HDGFL3: variants seen among roughly 807,000 people sequenced by gnomAD.
The protein encoded by HDGFL3 is HDGF like 3.
A neutral mutation model predicts 27.6 loss-of-function variants in HDGFL3; 6 were observed. That is an observed-to-expected ratio of 0.22 (90% confidence interval 0.12 to 0.43). The LOEUF is 0.43. Ranked by LOEUF, HDGFL3 falls within the 20% of genes least tolerant of loss-of-function variation. HDGFL3 has a pLI of 1.00. For synonymous variants in HDGFL3, 88 were observed against 88.9 expected, an observed-to-expected ratio of 0.99 and a Z score of 0.05; for missense variants, 207 against 250.1, an observed-to-expected ratio of 0.83 and a Z score of 1.16.
chr15:83,112,981 T>C (rs2034325715), exon 4 of HDGFL3: 1 of 1,175,984 alleles, frequency 8.5e-7, no homozygotes, highest in African/African-American at 1.5e-5. Flanking sequence ...TCCTCCTTGG[T>C]TGTGAATACT....
intron 1 of HDGFL3, among the ~76,000 whole-genome samples, chr15:83,190,282 T>G (rs1005504170): frequency 2.0e-5 from 3 of 152,160 alleles, no homozygotes; most frequent in African/African-American, 7.2e-5. Flanking sequence ...GTAAAATTCT[T>G]GTACATATCT....
intron 1 of HDGFL3, among the ~76,000 whole-genome samples, chr15:83,180,025 G>C (rs1393050832): frequency 6.6e-6 from 1 of 152,028 alleles, no homozygotes; most frequent in African/African-American, 2.4e-5. Flanking sequence ...GGCAGAGGGA[G>C]GTGGTGGGTG....
At position 83,157,578 on chromosome 15, in the gene HDGFL3, G is replaced by T; in HGVS notation, c.301-5C>A. The T allele has an allele frequency of 1.9e-6, 3 of 1,606,474 alleles. No homozygotes were observed. The highest frequency in any genetic ancestry group is 1.7e-6 in the Non-Finnish European group (2 of 1,177,018). ...AGAGCTCTGTTGCTGAATTGCCTAAGAAATAATAAAATATTAGCTGATTAC... is the reference window on the plus strand; with the variant it reads ...AGAGCTCTGTTGCTGAATTGCCTAATAAATAATAAAATATTAGCTGATTAC... On this transcript the variant is annotated splice_polypyrimidine_tract_variant and splice_region_variant and intron_variant, in intron 3 of 5. Transcript: ENST00000299633.
chr15:83,134,875 C>T lies in HDGFL3; in HGVS notation c.*4395G>A, dbSNP rs1318488300. ...GGAAAAACAGTATGGGAGCCATGCT[C>T]CTGCTCAGAGTTCCTAGAATGTCCA... On this transcript the variant is annotated 3_prime_UTR_variant, in exon 6 of 6. Transcript: ENST00000299633. 1 of 152,236 alleles carries T rather than the reference C, an allele frequency of 6.6e-6. No individual in the cohort carries two copies. The highest frequency in any genetic ancestry group is 2.4e-5 in the African/African-American group (1 of 41,446). The allele number at this position is 152,236 out of a possible 1,614,324, so 9.4% of individuals were successfully genotyped here.
chr15:83,177,728 T>C (rs1032688272), intron 1 of HDGFL3, among the ~76,000 whole-genome samples: 3 of 152,208 alleles, frequency 2.0e-5, no homozygotes, highest in African/African-American at 7.2e-5. Context: ...ATATGTTATG[T>C]AGTGGCTATT....
chr15:83,187,696 C>T (rs921813648), intron 1 of HDGFL3, among the ~76,000 whole-genome samples: 5 of 151,834 alleles, frequency 3.3e-5, no homozygotes, highest in Non-Finnish European at 7.4e-5. Flanking sequence ...CGAGACCAGC[C>T]TGACCAACAT....
intron 5 of HDGFL3, among the ~76,000 whole-genome samples, chr15:83,145,005 CCTTT>C (rs959030842): frequency 6.6e-5 from 10 of 151,862 alleles, no homozygotes; most frequent in Non-Finnish European, 1.3e-4. Context: ...GGCGCCTGCT[CCTTT>C]CTGTCTCCTT....
downstream of HDGFL3, among the ~76,000 whole-genome samples, chr15:83,125,307 A>G (rs2035639648): frequency 1.3e-5 from 2 of 152,214 alleles, no homozygotes; most frequent in Admixed American, 6.5e-5. Context: ...AAATACATTA[A>G]GGGCACATGG....
intron 2 of HDGFL3, chr15:83,163,689 T>C (rs922583127): frequency 1.4e-4 from 35 of 243,190 alleles, no homozygotes; most frequent in African/African-American, 7.7e-4. Context: ...ATAAGAGCAA[T>C]AGAAGAAATT....
chr15:83,177,755 A>T (rs1176132818), intron 1 of HDGFL3, among the ~76,000 whole-genome samples: 1 of 152,192 alleles, frequency 6.6e-6, no homozygotes, highest in East Asian at 1.9e-4. Context: ...CTTTAGGAAG[A>T]TATAGAAAGG....
At chr15:83,127,355 C>T (rs573527715), downstream of HDGFL3, 9 of 1,610,556 alleles carry the variant, frequency 5.6e-6, no homozygotes, top group East Asian at 4.5e-5. Context: ...CTGTTCAATA[C>T]AGATGCTGGC....
At chr15:83,122,974 G>A (rs915958124), downstream of HDGFL3, 5 of 1,406,420 alleles carry the variant, frequency 3.6e-6, no homozygotes, top group Admixed American at 2.1e-5. Flanking sequence ...CTGTGGACTG[G>A]AGCATTTGGG....
chr15:83,187,895 A>G (rs1029520499), intron 1 of HDGFL3, among the ~76,000 whole-genome samples: 1 of 151,790 alleles, frequency 6.6e-6, no homozygotes, highest in Non-Finnish European at 1.5e-5. Context: ...CTCAAAAAAA[A>G]AAAAAAAAAA....
At chr15:83,164,784 C>A (rs1159104956) in intron 1 of HDGFL3, among the ~76,000 whole-genome samples, 2 of 152,172 alleles carry the variant, frequency 1.3e-5, no homozygotes, top group Non-Finnish European at 2.9e-5. Context: ...AGTCAAAATT[C>A]CTTAGAATAC....
At chr15:83,125,258 A>AT (rs2035633753), downstream of HDGFL3, among the ~76,000 whole-genome samples, 1 of 152,146 alleles carries the variant, frequency 6.6e-6, no homozygotes, top group Non-Finnish European at 1.5e-5. Context: ...TGTTGAGTAA[A>AT]TTCATCTCAC....
intron 5 of HDGFL3, among the ~76,000 whole-genome samples, chr15:83,142,851 T>C (rs139779507): frequency 1.3e-5 from 2 of 152,300 alleles, no homozygotes; most frequent in African/African-American, 4.8e-5. Flanking sequence ...AATGTAAAAA[T>C]GTCTTTCTGC....
intron 1 of HDGFL3, among the ~76,000 whole-genome samples, chr15:83,166,074 T>C (rs777024001): frequency 2.0e-5 from 3 of 151,916 alleles, no homozygotes; most frequent in Admixed American, 6.5e-5. Flanking sequence ...AGTAAAGAAA[T>C]AGACATCCAG....
chr15:83,115,067 T>C (rs771710525), exon 4 of HDGFL3: 1 of 153,954 alleles, frequency 6.5e-6, no homozygotes, highest in Non-Finnish European at 1.4e-5. Context: ...CTGGACACGC[T>C]GTGAGGTGGC....
intron 1 of HDGFL3, among the ~76,000 whole-genome samples, chr15:83,197,336 T>A (rs566767421): frequency 6.6e-6 from 1 of 152,318 alleles, no homozygotes; most frequent in Non-Finnish European, 1.5e-5. Flanking sequence ...TTTATGTGAG[T>A]CAGTGAGCCA....
Sources: allele counts gnomAD v4.1 joint callset (sites outside exome capture counted in the v4.1 genomes callset), GRCh38; gene constraint gnomAD v4.1.1; transcripts MANE v1.5; gene names NCBI Gene and HGNC (gene_info 2026-07-23, HGNC 2026-07-21).